The following IL18R1 variants were observed in gnomAD, a reference collection of about 807,000 sequenced individuals.
IL18R1 encodes the protein interleukin-18 receptor 1.
A neutral mutation model predicts 48.5 loss-of-function variants in IL18R1; 40 were observed. The ratio of observed to expected loss-of-function variants is 0.82; its 90% CI spans 0.64 to 1.07. The LOEUF is 1.07. Among genes scored for constraint, IL18R1 ranks in the 50% least tolerant of loss-of-function variants. The pLI, the probability that IL18R1 is intolerant of heterozygous loss-of-function variation, is 0.00. For missense variants in IL18R1, 596 were observed against 633.7 expected, an observed-to-expected ratio of 0.94 and a Z score of 0.64; for synonymous variants, 232 against 225.9, an observed-to-expected ratio of 1.03 and a Z score of -0.24.
At chr2:102,380,890 C>A (rs1311290548) in intron 5 of IL18R1, among the ~76,000 whole-genome samples, 1 of 152,208 alleles carries the variant, frequency 6.6e-6, no homozygotes, top group East Asian at 1.9e-4. Context: ...TCAGGGCTAA[C>A]AATAACTTGA....
intron 1 of IL18R1, among the ~76,000 whole-genome samples, chr2:102,361,013 G>T (rs1438315635): frequency 2.0e-5 from 3 of 152,056 alleles, no homozygotes. Flanking sequence ...GCTAATTTTT[G>T]TATACTGAGA....
At position 102,397,736 on chromosome 2, in the gene IL18R1, T is replaced by C. The variant is rs1488587574; in HGVS notation, c.*850T>C. ...AGTTACTTGCTTGTTTTTTAAAAAT[T>C]ACATATTAAAAATGCCCTTGGCATA... is the stretch of plus-strand genomic sequence containing the variant. On this transcript the variant is annotated 3_prime_UTR_variant, in exon 11 of 11. Coordinates refer to ENST00000233957, the MANE Select transcript of IL18R1 (RefSeq NM_003855.5). 1 of 152,336 alleles carries C rather than the reference T, an allele frequency of 6.6e-6. No individual in the cohort carries two copies. Among genetic ancestry groups the C allele is most frequent in the Non-Finnish European group, 1.5e-5 (1 of 68,028 alleles). The allele number at this position is 152,336 out of a possible 1,614,324, so 9.4% of individuals were successfully genotyped here.
At chr2:102,360,368 A>T (rs1048555929) in intron 1 of IL18R1, among the ~76,000 whole-genome samples, 2 of 152,188 alleles carry the variant, frequency 1.3e-5, no homozygotes, top group Non-Finnish European at 2.9e-5. Context: ...GATTCACACC[A>T]TTCTCCTGCC....
chr2:102,385,910 A>C (rs1241035979), intron 7 of IL18R1, among the ~76,000 whole-genome samples: 1 of 152,222 alleles, frequency 6.6e-6, no homozygotes, highest in Non-Finnish European at 1.5e-5. Flanking sequence ...ATTTCTTAGA[A>C]ATGCAGCTTA....
At chr2:102,394,738 T>C (rs568546329) in intron 10 of IL18R1, 111 bp downstream of exon 10, 2 of 880,112 alleles carry the variant, frequency 2.3e-6, no homozygotes, top group Admixed American at 3.0e-5. Context: ...ATGAATAAGG[T>C]CCTTTAAGCA....
intron 9 of IL18R1, among the ~76,000 whole-genome samples, chr2:102,390,808 C>T (rs1680519534): frequency 6.6e-6 from 1 of 151,974 alleles, no homozygotes; most frequent in Non-Finnish European, 1.5e-5. Flanking sequence ...TGGTAGGCGC[C>T]TGTAGTCCCA....
intron 5 of IL18R1, 70 bp from the exon 6 acceptor site, chr2:102,381,550 T>C (rs1332341545): frequency 1.9e-6 from 2 of 1,078,018 alleles, no homozygotes; most frequent in Admixed American, 3.5e-5. Flanking sequence ...GAGCATATTA[T>C]CATAGATGCT....
At chr2:102,358,372 G>C (rs1678377764) in intron 1 of IL18R1, among the ~76,000 whole-genome samples, 1 of 152,164 alleles carries the variant, frequency 6.6e-6, no homozygotes, top group Admixed American at 6.5e-5. Context: ...AGAGTGGTCA[G>C]CTTGGAACTG....
rs1009536940 is a variant in IL18R1 at position 102,397,946 on chromosome 2, A to T, written c.*1060A>T. On this transcript the variant is annotated 3_prime_UTR_variant, in exon 11 of 11. Transcript: ENST00000233957. ...ACCTCCCAGGGGTAACTAAATGAAT[A>T]AATATAATAAAGTACTTACAGTGGT... 1.3e-5 allele frequency: 2 copies of T among 152,212 alleles called. No homozygotes were observed. The highest frequency in any genetic ancestry group is 4.8e-5 in the African/African-American group (2 of 41,442). 9.4% of individuals were successfully genotyped at this position (152,212 alleles called of 1,614,324 possible).
rs1239036706 is a variant in IL18R1, at chr2:102,356,292, G to A, written c.-137G>A. 1 of 973,872 alleles carries A rather than the reference G, an allele frequency of 1.0e-6. No homozygotes were observed. The highest frequency in any genetic ancestry group is 4.7e-5 in the South Asian group (1 of 21,154). The allele number at this position is 973,872 out of a possible 1,614,324, so 60.3% of individuals were successfully genotyped here. ...TCACTTTCCACGGTAGTCAGGAGGC[G>A]GAGATCGCTGCTTCTCACCTACTTT... On this transcript the variant is annotated 5_prime_UTR_variant, in exon 1 of 11. Transcript: ENST00000233957.
At chr2:102,381,535 G>A in intron 5 of IL18R1, 85 bp from the exon 6 acceptor site, 1 of 959,006 alleles carries the variant, frequency 1.0e-6, no homozygotes, top group South Asian at 1.3e-5. Context: ...TTTGTTACAT[G>A]AAATGAGCAT....
chr2:102,378,119 C>T (rs1396006251), intron 5 of IL18R1, among the ~76,000 whole-genome samples: 1 of 152,172 alleles, frequency 6.6e-6, no homozygotes, highest in Admixed American at 6.5e-5. Flanking sequence ...TTGCTTTCTG[C>T]CCATCAGCAG....
Position 102,396,772 on chromosome 2 carries a change from A to G in IL18R1, c.1512A>G (p.Lys504=). The G allele has an allele frequency of 6.2e-7, 1 of 1,614,126 alleles. No homozygotes were observed. Among genetic ancestry groups the G allele is most frequent in the Non-Finnish European group, 8.5e-7 (1 of 1,179,932 alleles). Residue 504 remains lysine (K), a synonymous_variant, in exon 11 of 11, where the codon AAA becomes AAG. Transcript: ENST00000233957. The part of the protein sequence containing the change: ...SHRVLKWKAD[K]SLSYNSRFWK... ...GAGTTCTGAAGTGGAAGGCCGATAA[A>G]TCTCTTTCTTATAACTCAAGGTTCT...
At chr2:102,388,893 A>G (rs543026677) in intron 8 of IL18R1, among the ~76,000 whole-genome samples, 1 of 152,312 alleles carries the variant, frequency 6.6e-6, no homozygotes, top group South Asian at 2.1e-4. Context: ...AGATGGCAAA[A>G]GTTTTAAGCA....
At chr2:102,379,209 C>G (rs543066821) in intron 5 of IL18R1, among the ~76,000 whole-genome samples, 1 of 151,988 alleles carries the variant, frequency 6.6e-6, no homozygotes, top group African/African-American at 2.4e-5. Flanking sequence ...TTTGGGAGGC[C>G]GAGGCGGATG....
In IL18R1 at chr2:102,381,611, C is replaced by T; in HGVS notation, c.626-9C>T. 6.2e-7 allele frequency: 1 copy of T among 1,608,736 alleles called. No individual in the cohort carries two copies. The highest frequency in any genetic ancestry group is 1.1e-5 in the South Asian group (1 of 90,906). ...CTAATACATTTGTCTTTTCTTTTGT[C>T]ACTTCTAGATCGCAGTAATATAGTT... is the stretch of plus-strand genomic sequence containing the variant. On this transcript the variant is annotated splice_polypyrimidine_tract_variant and intron_variant, in intron 5 of 10. Coordinates refer to ENST00000233957, the MANE Select transcript of IL18R1 (RefSeq NM_003855.5).
At chr2:102,392,493 CATTT>C (rs1680608520) in intron 9 of IL18R1, among the ~76,000 whole-genome samples, 1 of 152,148 alleles carries the variant, frequency 6.6e-6, no homozygotes, top group African/African-American at 2.4e-5. Context: ...AGTGCAGAGA[CATTT>C]AGAGACATGC....
Position 102,396,776 on chromosome 2 carries a change from C to G in IL18R1, c.1516C>G (p.Leu506Val), listed in dbSNP as rs777647939. The change falls in exon 11 of 11, where the codon CTT becomes GTT. Residue 506 changes from leucine (L) to valine (V), a missense_variant. Around this residue, in one of 3 missense-constraint regions of IL18R1, gnomAD observed 179 missense variants for 206.1 expected, o/e 0.87. Coordinates refer to ENST00000233957, the MANE Select transcript of IL18R1 (RefSeq NM_003855.5). The part of the protein sequence containing the change: ...RVLKWKADKS[L>V]SYNSRFWKNL... Reference sequence around the variant, plus strand: ...TCTGAAGTGGAAGGCCGATAAATCTCTTTCTTATAACTCAAGGTTCTGGAA... The same window carrying G: ...TCTGAAGTGGAAGGCCGATAAATCTGTTTCTTATAACTCAAGGTTCTGGAA... The G allele has an allele frequency of 1.2e-6, 2 of 1,614,152 alleles. No homozygotes were observed. The highest frequency in any genetic ancestry group is 3.3e-5 in the Admixed American group (2 of 60,024).
intron 10 of IL18R1, among the ~76,000 whole-genome samples, chr2:102,395,789 A>G (rs1447163644): frequency 6.6e-6 from 1 of 152,244 alleles, no homozygotes; most frequent in Non-Finnish European, 1.5e-5. Flanking sequence ...ATTTGAGAAC[A>G]GTGAGAGGTC....
Sources: gnomAD v4.1 joint callset for allele counts (sites outside exome capture counted in the v4.1 genomes callset) on GRCh38, gnomAD v4.1.1 for gene constraint, gnomAD v4.1.1 regional missense constraint, MANE v1.5 for transcripts, NCBI Gene and HGNC (gene_info 2026-07-23, HGNC 2026-07-21) for gene names.